Variants in ANO3 observed in about 807,000 individuals in gnomAD.
ANO3 encodes anoctamin-3.
ANO3 carries 99 observed loss-of-function variants against 144.8 expected under a neutral mutation model. The ratio of observed to expected loss-of-function variants is 0.68; its 90% CI spans 0.58 to 0.81. ANO3 has a LOEUF of 0.81. Among genes scored for constraint, ANO3 ranks in the 30% least tolerant of loss-of-function variants. ANO3 has a pLI of 0.00. For missense variants in ANO3, 905 were observed against 1,202.2 expected, an observed-to-expected ratio of 0.75 and a Z score of 3.66; for synonymous variants, 414 against 392.6, an observed-to-expected ratio of 1.05 and a Z score of -0.64.
At chr11:26,439,879 A>T (rs1039525116) in intron 1 of ANO3, among the ~76,000 whole-genome samples, 31 of 152,214 alleles carry the variant, frequency 2.0e-4, no homozygotes, top group African/African-American at 7.2e-4. Flanking sequence ...TTAATTTTTA[A>T]TTTTATTTAC....
chr11:26,228,771 G>T (rs569485928), intron 1 of ANO3, among the ~76,000 whole-genome samples: 3 of 152,310 alleles, frequency 2.0e-5, no homozygotes, highest in African/African-American at 7.2e-5. Context: ...GCTCTTGGAT[G>T]AAGTACTGGC....
At chr11:26,230,167 A>G (rs1258837441) in intron 1 of ANO3, among the ~76,000 whole-genome samples, 1 of 152,226 alleles carries the variant, frequency 6.6e-6, no homozygotes, top group African/African-American at 2.4e-5. Context: ...TGGATAGTTC[A>G]ACAAAACAGA....
intron 5 of ANO3, among the ~76,000 whole-genome samples, chr11:26,509,714 A>T (rs294022): frequency 0.99 from 150,311 of 152,304 alleles, 74,199 homozygotes; most frequent in Middle Eastern, 1. Flanking sequence ...GCTAATAAGC[A>T]TCATCAGAGG....
At chr11:26,493,632 C>T (rs1246384285) in intron 4 of ANO3, among the ~76,000 whole-genome samples, 1 of 152,168 alleles carries the variant, frequency 6.6e-6, no homozygotes, top group Admixed American at 6.5e-5. Flanking sequence ...CTTTAGAATA[C>T]TGAAGTCATT....
At chr11:26,331,510 G>A (rs1271039643), upstream of ANO3, 1 of 152,078 alleles carries the variant, frequency 6.6e-6, no homozygotes, top group African/African-American at 2.4e-5. Flanking sequence ...TAGAATCATA[G>A]TTTACCTACA....
intron 1 of ANO3, among the ~76,000 whole-genome samples, chr11:26,242,513 G>C (rs763261984): frequency 6.6e-6 from 1 of 151,956 alleles, no homozygotes. Context: ...ATTCATCTCC[G>C]TGGTACTCAT....
At chr11:26,440,429 G>A (rs1310071889) in intron 1 of ANO3, among the ~76,000 whole-genome samples, 1 of 152,106 alleles carries the variant, frequency 6.6e-6, no homozygotes. Context: ...AAAGAGTAGT[G>A]TTAAAAGCTA....
intron 7 of ANO3, among the ~76,000 whole-genome samples, chr11:26,527,147 A>G (rs1849183630): frequency 6.6e-6 from 1 of 152,146 alleles, no homozygotes; most frequent in Non-Finnish European, 1.5e-5. Flanking sequence ...GTCTGTTTAT[A>G]TATAAAGCTA....
At position 26,251,007 on chromosome 11, in the gene ANO3, T is replaced by G. The variant is rs144084466; in HGVS notation, c.155-58638T>G. Among the ~76,000 whole-genome samples the G allele has an allele frequency of 1.2e-3, 180 of 152,268 alleles. 1 individual carries two copies. Among genetic ancestry groups the G allele is most frequent in the African/African-American group, 4.0e-3 (168 of 41,562 alleles). ...TTACCCTTGTGATACCGTGACTGAC[T>G]GGGAGCTGTGGTTCTCTTATACTGA... On this transcript the variant is annotated intron_variant, in intron 1 of 27. Transcript: ENST00000672621.
rs528397192 is a variant in ANO3 at position 26,631,028 on chromosome 11, C to T, written c.1874-3176C>T. Among the ~76,000 whole-genome samples, 8 of 150,814 alleles carry T rather than the reference C, an allele frequency of 5.3e-5. No individual in the cohort carries two copies. In the South Asian group the frequency reaches 1.5e-3, roughly 28 times the overall value. On this transcript the variant is annotated intron_variant, in intron 18 of 26. Coordinates refer to ENST00000256737, the MANE Select transcript of ANO3 (RefSeq NM_031418.4). ...AATTAGTTTTTTGAAGAGTACCTAC[C>T]TATTTTTGAGCCATTTTTTGAAAAG...
At chr11:26,531,458 A>G (rs947811982) in intron 8 of ANO3, 122 bp downstream of exon 8, 5 of 1,134,586 alleles carry the variant, frequency 4.4e-6, no homozygotes, top group Non-Finnish European at 6.1e-6. Flanking sequence ...TTATCATTGT[A>G]TTAAAATACA....
chr11:26,240,521 T>C (rs1005933922), intron 1 of ANO3, among the ~76,000 whole-genome samples: 5 of 152,208 alleles, frequency 3.3e-5, no homozygotes, highest in African/African-American at 1.2e-4. Context: ...GCACCAGCAA[T>C]GTGTTTCATC....
At chr11:26,567,178 C>G (rs1198811040) in intron 14 of ANO3, 2 of 1,274,040 alleles carry the variant, frequency 1.6e-6, no homozygotes, top group African/African-American at 1.5e-5. Flanking sequence ...GCCAAGTCAA[C>G]TGACTCCAAT....
At chr11:26,345,364 G>A (rs1185948620) in intron 1 of ANO3, among the ~76,000 whole-genome samples, 1 of 152,138 alleles carries the variant, frequency 6.6e-6, no homozygotes. Flanking sequence ...AGACCAGCCT[G>A]GCCAACATGG....
intron 1 of ANO3, among the ~76,000 whole-genome samples, chr11:26,256,472 T>C (rs911594764): frequency 1.3e-5 from 2 of 152,148 alleles, no homozygotes; most frequent in Non-Finnish European, 2.9e-5. Flanking sequence ...AGAAACTTGG[T>C]AGTTTTAGCA....
chr11:26,522,814 T>C (rs1862135615), intron 6 of ANO3, among the ~76,000 whole-genome samples: 2 of 152,126 alleles, frequency 1.3e-5, no homozygotes. Flanking sequence ...TAAACTAGAA[T>C]GTGATGCATA....
chr11:26,488,137 G>A (rs1860539872), intron 4 of ANO3, among the ~76,000 whole-genome samples: 1 of 152,114 alleles, frequency 6.6e-6, no homozygotes, highest in African/African-American at 2.4e-5. Context: ...CTGCACTCCA[G>A]CCTGACAACA....
chr11:26,501,950 G>A (rs943969960), intron 4 of ANO3, among the ~76,000 whole-genome samples: 1 of 152,110 alleles, frequency 6.6e-6, no homozygotes, highest in Non-Finnish European at 1.5e-5. Flanking sequence ...TTGGGTAATG[G>A]TTATGTAGGT....
intron 14 of ANO3, among the ~76,000 whole-genome samples, chr11:26,588,228 G>A (rs187417979): frequency 4.3e-4 from 66 of 152,176 alleles, no homozygotes; most frequent in Non-Finnish European, 8.7e-4. Flanking sequence ...AACTTTCAAA[G>A]TTAGCTATTT....
Sources: allele counts gnomAD v4.1 joint callset (sites outside exome capture counted in the v4.1 genomes callset), GRCh38; gene constraint gnomAD v4.1.1; transcripts MANE v1.5; gene names NCBI Gene and HGNC (gene_info 2026-07-23, HGNC 2026-07-21).